ST6GALNAC3: variants seen among roughly 807,000 people sequenced by gnomAD.
The protein encoded by ST6GALNAC3 is ST6 N-acetylgalactosaminide alpha-2,6-sialyltransferase 3.
A neutral mutation model predicts 32.7 loss-of-function variants in ST6GALNAC3; 25 were observed. The observed-to-expected ratio is 0.76, with a 90% CI of 0.56 to 1.07. ST6GALNAC3 has a LOEUF of 1.07. Ranked by LOEUF, ST6GALNAC3 falls within the 50% of genes least tolerant of loss-of-function variation. The pLI, the probability that ST6GALNAC3 is intolerant of heterozygous loss-of-function variation, is 0.00. For missense variants in ST6GALNAC3, 355 were observed against 382.4 expected (o/e 0.93, Z 0.60); for synonymous variants, 129 against 133.1 (o/e 0.97, Z 0.21).
At chr1:76,636,082 A>G (rs917769927), downstream of ST6GALNAC3, among the ~76,000 whole-genome samples, 1 of 152,194 alleles carries the variant, frequency 6.6e-6, no homozygotes, top group African/African-American at 2.4e-5. Flanking sequence ...AACTTTCAGA[A>G]AAAAATTTTT....
At chr1:76,363,864 T>G (rs553862551) in intron 2 of ST6GALNAC3, among the ~76,000 whole-genome samples, 17 of 152,170 alleles carry the variant, frequency 1.1e-4, no homozygotes, top group African/African-American at 4.1e-4. Context: ...CAACCAGATC[T>G]CCTTAGAACT....
chr1:76,463,487 G>A (rs2101603475), intron 3 of ST6GALNAC3, among the ~76,000 whole-genome samples: 1 of 152,208 alleles, frequency 6.6e-6, no homozygotes, highest in East Asian at 1.9e-4. Flanking sequence ...CCAAGCTTTT[G>A]ATCGGTTGAG....
At chr1:76,471,352 A>G (rs1234610304) in intron 3 of ST6GALNAC3, among the ~76,000 whole-genome samples, 1 of 152,170 alleles carries the variant, frequency 6.6e-6, no homozygotes, top group Non-Finnish European at 1.5e-5. Flanking sequence ...TTGTTTAACA[A>G]GTAGTGCCAA....
intron 1 of ST6GALNAC3, among the ~76,000 whole-genome samples, chr1:76,257,846 G>A (rs546263759): frequency 1.1e-4 from 16 of 152,104 alleles, no homozygotes; most frequent in African/African-American, 1.4e-4. Context: ...ATTTTTGTCC[G>A]GTATCTTTAC....
chr1:76,635,076 A>G (rs1649471772), downstream of ST6GALNAC3, among the ~76,000 whole-genome samples: 1 of 152,168 alleles, frequency 6.6e-6, no homozygotes, highest in African/African-American at 2.4e-5. Context: ...GTCCATATTA[A>G]CTATCTGATG....
chr1:76,139,209 A>AT (rs574358999), intron 1 of ST6GALNAC3, among the ~76,000 whole-genome samples: 14 of 152,068 alleles, frequency 9.2e-5, no homozygotes, highest in African/African-American at 3.4e-4. Flanking sequence ...AAAAAAAAAA[A>AT]AAAAATCTAT....
intron 1 of ST6GALNAC3, among the ~76,000 whole-genome samples, chr1:76,194,453 CTA>C (rs1654081382): frequency 6.6e-6 from 1 of 151,832 alleles, no homozygotes; most frequent in African/African-American, 2.4e-5. Flanking sequence ...GAAATTAAAA[CTA>C]GAAATATTTT....
At chr1:76,202,733 CAG>C (rs1323399867) in intron 1 of ST6GALNAC3, among the ~76,000 whole-genome samples, 1 of 152,086 alleles carries the variant, frequency 6.6e-6, no homozygotes, top group Non-Finnish European at 1.5e-5. Flanking sequence ...AAAATCTGCC[CAG>C]AGTCTTAAAA....
intron 1 of ST6GALNAC3, among the ~76,000 whole-genome samples, chr1:76,178,236 C>G (rs761836103): frequency 6.6e-6 from 1 of 152,188 alleles, no homozygotes; most frequent in Non-Finnish European, 1.5e-5. Context: ...GCTTCCCCAC[C>G]AGGGTAAGCC....
intron 3 of ST6GALNAC3, among the ~76,000 whole-genome samples, chr1:76,480,126 A>T (rs1659625979): frequency 6.6e-6 from 1 of 152,152 alleles, no homozygotes; most frequent in Non-Finnish European, 1.5e-5. Flanking sequence ...TTGTGACATC[A>T]ATTTGTTTTA....
Position 76,483,017 on chromosome 1 carries a change from T to A in ST6GALNAC3, c.623+70600T>A, listed in dbSNP as rs1005485802. 4.9e-4 allele frequency among the ~76,000 whole-genome samples: 74 copies of A among 152,196 alleles called. No homozygotes were observed. In the Middle Eastern group the frequency reaches 0.01, roughly 21 times the overall value. Reference sequence around the variant, plus strand: ...TGCGACAGTTTGCTGAGAATGATAGTTTCCAGCTTCATCCATGTCCCTACA... The same window carrying A: ...TGCGACAGTTTGCTGAGAATGATAGATTCCAGCTTCATCCATGTCCCTACA... On this transcript the variant is annotated intron_variant, in intron 3 of 4. Transcript: ENST00000328299.
chr1:76,416,376 C>G (rs1021282655), intron 3 of ST6GALNAC3, among the ~76,000 whole-genome samples: 11 of 151,912 alleles, frequency 7.2e-5, no homozygotes, highest in African/African-American at 2.7e-4. Context: ...AACTTTTTAG[C>G]AAGTAGTTAT....
intron 2 of ST6GALNAC3, among the ~76,000 whole-genome samples, chr1:76,330,018 A>G (rs1647159424): frequency 6.6e-6 from 1 of 152,050 alleles, no homozygotes. Context: ...CATGTTGGTC[A>G]GGCTGGTCTC....
intron 3 of ST6GALNAC3, among the ~76,000 whole-genome samples, chr1:76,438,812 C>T (rs932506647): frequency 2.0e-5 from 3 of 152,134 alleles, no homozygotes; most frequent in African/African-American, 7.2e-5. Context: ...AGAATATTTC[C>T]TTCTTTCCTC....
At chr1:76,351,692 C>T (rs1316101734) in intron 2 of ST6GALNAC3, among the ~76,000 whole-genome samples, 1 of 152,104 alleles carries the variant, frequency 6.6e-6, no homozygotes, top group Non-Finnish European at 1.5e-5. Flanking sequence ...GTAGGATAAT[C>T]ATATATCCCA....
chr1:76,394,182 G>A (rs1210104034), intron 2 of ST6GALNAC3, among the ~76,000 whole-genome samples: 1 of 152,190 alleles, frequency 6.6e-6, no homozygotes, highest in Non-Finnish European at 1.5e-5. Flanking sequence ...AATCTATGCA[G>A]AAGCATATAG....
chr1:76,246,045 T>G (rs1314817478), intron 1 of ST6GALNAC3, among the ~76,000 whole-genome samples: 1 of 152,224 alleles, frequency 6.6e-6, no homozygotes, highest in Non-Finnish European at 1.5e-5. Flanking sequence ...GAAGTCTAAG[T>G]GTCTTTGTAA....
intron 1 of ST6GALNAC3, among the ~76,000 whole-genome samples, chr1:76,258,637 T>G (rs1477718087): frequency 6.6e-6 from 1 of 152,180 alleles, no homozygotes; most frequent in Non-Finnish European, 1.5e-5. Flanking sequence ...CTGACTTGAT[T>G]AAACTTCTTT....
At chr1:76,576,775 A>G in intron 3 of ST6GALNAC3, 1 of 1,174,002 alleles carries the variant, frequency 8.5e-7, no homozygotes, top group Non-Finnish European at 1.1e-6. Flanking sequence ...GGGTTCTGAT[A>G]GCTAAAGTAG....
Sources: allele counts gnomAD v4.1 joint callset (sites outside exome capture counted in the v4.1 genomes callset), GRCh38; gene constraint gnomAD v4.1.1; transcripts MANE v1.5; gene names NCBI Gene and HGNC (gene_info 2026-07-23, HGNC 2026-07-21).